The following GPC5 variants were observed in gnomAD, a reference collection of about 807,000 sequenced individuals.
GPC5 encodes glypican-5.
In GPC5, 47 loss-of-function variants were observed where a neutral mutation model predicts 53.9. The observed-to-expected ratio is 0.87, with a 90% CI of 0.69 to 1.11. The LOEUF (loss-of-function observed/expected upper bound fraction) is 1.11, where lower values mean the gene tolerates loss of function less well. Ranked by LOEUF, GPC5 falls within the 50% of genes most tolerant of loss-of-function variation. The pLI, the probability that GPC5 is intolerant of heterozygous loss-of-function variation, is 0.00. For synonymous variants in GPC5, 286 were observed against 263.3 expected, an observed-to-expected ratio of 1.09 and a Z score of -0.84; for missense variants, 748 against 713.1, an observed-to-expected ratio of 1.05 and a Z score of -0.56.
chr13:92,274,134 T>C (rs1299365783), intron 7 of GPC5, among the ~76,000 whole-genome samples: 1 of 152,204 alleles, frequency 6.6e-6, no homozygotes, highest in African/African-American at 2.4e-5. Context: ...CACATAATAA[T>C]TTTGTAAAAG....
chr13:91,502,887 G>T (rs930975520), intron 2 of GPC5, among the ~76,000 whole-genome samples: 2 of 152,146 alleles, frequency 1.3e-5, no homozygotes, highest in Non-Finnish European at 2.9e-5. Context: ...TTGAACCTTG[G>T]TACTGTGACT....
intron 7 of GPC5, among the ~76,000 whole-genome samples, chr13:92,357,380 T>C (rs942778649): frequency 2.6e-5 from 4 of 151,712 alleles, no homozygotes; most frequent in East Asian, 1.9e-4. Context: ...TAGCATCTGT[T>C]ACTTTTTGAC....
At chr13:92,032,955 C>G (rs2040864361) in intron 6 of GPC5, among the ~76,000 whole-genome samples, 1 of 151,960 alleles carries the variant, frequency 6.6e-6, no homozygotes, top group African/African-American at 2.4e-5. Flanking sequence ...ATGTTAACCC[C>G]AAATTATGCT....
intron 7 of GPC5, among the ~76,000 whole-genome samples, chr13:92,327,111 A>G (rs7986647): frequency 2.6e-5 from 4 of 152,104 alleles, no homozygotes; most frequent in African/African-American, 9.7e-5. Context: ...TCTTTACAAA[A>G]TCTTGTTAAT....
intron 6 of GPC5, among the ~76,000 whole-genome samples, chr13:92,010,992 A>G (rs2138774086): frequency 6.6e-6 from 1 of 152,352 alleles, no homozygotes; most frequent in Admixed American, 6.5e-5. Flanking sequence ...GGAAGGAGGT[A>G]CAGAGCTCTT....
chr13:92,805,726 C>T (rs151032807), intron 7 of GPC5, among the ~76,000 whole-genome samples: 188 of 152,168 alleles, frequency 1.2e-3, no homozygotes, highest in African/African-American at 4.3e-3. Flanking sequence ...GCATGAGACA[C>T]TGTGCCCATC....
At chr13:91,471,788 A>G (rs752161461) in intron 2 of GPC5, among the ~76,000 whole-genome samples, 1 of 152,012 alleles carries the variant, frequency 6.6e-6, no homozygotes, top group Non-Finnish European at 1.5e-5. Flanking sequence ...CATTCTTAAT[A>G]TAGAATTTAC....
chr13:91,697,693 A>G (rs1163555266), intron 3 of GPC5, among the ~76,000 whole-genome samples: 1 of 152,004 alleles, frequency 6.6e-6, no homozygotes, highest in Non-Finnish European at 1.5e-5. Context: ...TGGTAAATAA[A>G]TACTTCATAT....
intron 7 of GPC5, among the ~76,000 whole-genome samples, chr13:92,585,390 T>C (rs1410697769): frequency 1.3e-5 from 2 of 152,188 alleles, no homozygotes; most frequent in Non-Finnish European, 2.9e-5. Context: ...GAATTTGGAC[T>C]TGCGTGGGGC....
intron 4 of GPC5, among the ~76,000 whole-genome samples, chr13:91,731,253 T>A (rs2036690641): frequency 6.6e-6 from 1 of 152,110 alleles, no homozygotes; most frequent in African/African-American, 2.4e-5. Context: ...GTAATTGGAG[T>A]CACCCTCTGA....
chr13:91,894,670 C>T (rs1680007102), intron 5 of GPC5, among the ~76,000 whole-genome samples: 2 of 152,116 alleles, frequency 1.3e-5, no homozygotes. Context: ...AGTCATTCTG[C>T]ACCCACCATT....
intron 7 of GPC5, among the ~76,000 whole-genome samples, chr13:92,600,692 A>C (rs1594336625): frequency 1.4e-5 from 2 of 146,922 alleles, no homozygotes; most frequent in Middle Eastern, 3.6e-3. Flanking sequence ...TTTTTACTAG[A>C]GATGGGGTTT....
intron 7 of GPC5, among the ~76,000 whole-genome samples, chr13:92,422,509 C>T (rs1206858593): frequency 1.3e-5 from 2 of 150,668 alleles, no homozygotes; most frequent in Non-Finnish European, 1.5e-5. Flanking sequence ...CACACACACA[C>T]ACACACACAC....
chr13:92,118,563 C>A, intron 6 of GPC5, among the ~76,000 whole-genome samples: 1 of 152,078 alleles, frequency 6.6e-6, no homozygotes. Flanking sequence ...AGGATTATTT[C>A]TCTATATATG....
intron 7 of GPC5, among the ~76,000 whole-genome samples, chr13:92,313,252 G>A (rs1195064986): frequency 6.6e-6 from 1 of 152,130 alleles, no homozygotes; most frequent in Non-Finnish European, 1.5e-5. Flanking sequence ...CAGCAGAGGT[G>A]ACTGAAGTAG....
intron 7 of GPC5, among the ~76,000 whole-genome samples, chr13:92,544,536 T>C (rs1348989033): frequency 6.6e-6 from 1 of 152,168 alleles, no homozygotes; most frequent in Non-Finnish European, 1.5e-5. Context: ...GATTTTATTT[T>C]TTCTCAGCTC....
intron 6 of GPC5, among the ~76,000 whole-genome samples, chr13:92,066,020 T>C (rs2041164703): frequency 6.6e-6 from 1 of 152,152 alleles, no homozygotes; most frequent in South Asian, 2.1e-4. Context: ...TTGTACTTTA[T>C]GTAACTAGGA....
intron 7 of GPC5, among the ~76,000 whole-genome samples, chr13:92,713,608 C>CAAA (rs5805758): frequency 8.8e-6 from 1 of 114,016 alleles, no homozygotes; most frequent in Non-Finnish European, 1.9e-5. Flanking sequence ...ACTCCAATCT[C>CAAA]AAAAAAAAAA....
intron 7 of GPC5, among the ~76,000 whole-genome samples, chr13:92,418,947 G>C (rs536983211): frequency 6.6e-6 from 1 of 152,248 alleles, no homozygotes; most frequent in Admixed American, 6.5e-5. Context: ...CTTCACCACA[G>C]CCTGTCTGCA....
Sources: allele counts gnomAD v4.1 joint callset (sites outside exome capture counted in the v4.1 genomes callset), GRCh38; gene constraint gnomAD v4.1.1; transcripts MANE v1.5; gene names NCBI Gene and HGNC (gene_info 2026-07-23, HGNC 2026-07-21).